FUBP1: variants seen among roughly 807,000 people sequenced by gnomAD.
The protein encoded by FUBP1 is far upstream element binding protein 1.
Under a neutral mutation model 94.9 loss-of-function variants are expected in FUBP1, and 16 were observed. The ratio of observed to expected loss-of-function variants is 0.17; its 90% CI spans 0.11 to 0.26. The LOEUF (loss-of-function observed/expected upper bound fraction) is 0.26, where lower values mean the gene tolerates loss of function less well. Ranked by LOEUF, FUBP1 falls within the 10% of genes least tolerant of loss-of-function variation. The probability of loss-of-function intolerance (pLI) is 1.00; values close to 1 mark genes in which losing one functional copy is unlikely to be tolerated. For missense variants in FUBP1, 583 were observed against 808.6 expected (o/e 0.72, Z 3.38); for synonymous variants, 279 against 254.9 (o/e 1.09, Z -0.90).
At chr1:77,974,962 T>C (rs758189431) in intron 1 of FUBP1, among the ~76,000 whole-genome samples, 9 of 152,228 alleles carry the variant, frequency 5.9e-5, no homozygotes, top group African/African-American at 1.9e-4. Flanking sequence ...TTATATAAAA[T>C]GGTACAGTAT....
At chr1:77,970,491 T>C (rs1027236597) in intron 1 of FUBP1, among the ~76,000 whole-genome samples, 3 of 152,190 alleles carry the variant, frequency 2.0e-5, no homozygotes, top group Non-Finnish European at 4.4e-5. Context: ...CACTGAATAT[T>C]GAAAACCTGG....
At chr1:77,979,088 G>T, upstream of FUBP1, 2 of 1,205,202 alleles carry the variant, frequency 1.7e-6, no homozygotes, top group Non-Finnish European at 2.3e-6. Flanking sequence ...GGCGGCCGTC[G>T]AAGCTCTATT....
chr1:77,949,315 AACTTTG>A lies in FUBP1; in HGVS notation c.1781-21_1781-16del. The A allele has an allele frequency of 6.2e-7, 1 of 1,609,636 alleles. No homozygotes were observed. Among genetic ancestry groups the A allele is most frequent in the African/African-American group, 1.3e-5 (1 of 74,806 alleles). On this transcript the variant is annotated splice_polypyrimidine_tract_variant and intron_variant, in intron 18 of 19. Transcript: ENST00000370768. Reference sequence around the variant, plus strand: ...AACTGCCTGACCTTTGAAAAAAAAGAACTTTGTTGCTGTAACCACAATTATAAGCCC... The same window carrying A: ...AACTGCCTGACCTTTGAAAAAAAAGATTGCTGTAACCACAATTATAAGCCC...
At chr1:77,965,663 A>G (rs1471099664) in intron 7 of FUBP1, among the ~76,000 whole-genome samples, 1 of 152,260 alleles carries the variant, frequency 6.6e-6, no homozygotes, top group African/African-American at 2.4e-5. Context: ...AATAGCACTC[A>G]AAGAAACAGG....
intron 18 of FUBP1, among the ~76,000 whole-genome samples, chr1:77,952,404 CA>C (rs1163749403): frequency 6.8e-6 from 1 of 146,848 alleles, no homozygotes; most frequent in Non-Finnish European, 1.5e-5. Flanking sequence ...CAAATAATGA[CA>C]AATTAAAATC....
intron 16 of FUBP1, among the ~76,000 whole-genome samples, chr1:77,958,280 C>T: frequency 6.6e-6 from 1 of 152,084 alleles, no homozygotes; most frequent in East Asian, 1.9e-4. Context: ...TTCACTCAAC[C>T]CGATTCATTC....
chr1:77,978,453 G>C (rs148830703), intron 1 of FUBP1, among the ~76,000 whole-genome samples: 1 of 152,252 alleles, frequency 6.6e-6, no homozygotes, highest in Non-Finnish European at 1.5e-5. Flanking sequence ...ACGGAAATGA[G>C]CTGTAAAGGC....
In FUBP1 at chr1:77,970,018, A is replaced by T; in HGVS notation, c.121-3T>A. ...TCACCTCCAATTTTTGCTGCAATCT[A>T]AAAAAAAAAAAGAAAAATACCATCA... On this transcript the variant is annotated splice_polypyrimidine_tract_variant and splice_region_variant and intron_variant, in intron 1 of 19. Coordinates refer to ENST00000370768, the MANE Select transcript of FUBP1 (RefSeq NM_003902.5). 2 of 390,242 alleles carry T rather than the reference A, an allele frequency of 5.1e-6. No homozygotes were observed. Among genetic ancestry groups the T allele is most frequent in the Non-Finnish European group, 7.4e-6 (2 of 268,604 alleles). The allele number at this position is 390,242 out of a possible 1,614,324, so 24.2% of individuals were successfully genotyped here. A position where few individuals can be genotyped will look rare whatever the true frequency, so the allele number is the denominator to read the frequency against.
At chr1:77,970,231 T>A (rs968622439) in intron 1 of FUBP1, among the ~76,000 whole-genome samples, 3 of 152,114 alleles carry the variant, frequency 2.0e-5, no homozygotes, top group East Asian at 1.9e-4. Flanking sequence ...TTCTGATACA[T>A]CCCTATAAGA....
chr1:77,972,081 T>C (rs1186068400), intron 1 of FUBP1, among the ~76,000 whole-genome samples: 1 of 152,044 alleles, frequency 6.6e-6, no homozygotes, highest in African/African-American at 2.4e-5. Context: ...ACTTTACCAA[T>C]TACAAACCTG....
chr1:77,947,522 C>G lies in FUBP1; in HGVS notation c.*1244G>C, dbSNP rs965190189. 1 of 1,351,458 alleles carries G rather than the reference C, an allele frequency of 7.4e-7. No homozygotes were observed. The highest frequency in any genetic ancestry group is 1.5e-5 in the African/African-American group (1 of 68,836). 83.7% of individuals were successfully genotyped at this position (1,351,458 alleles called of 1,614,324 possible). On this transcript the variant is annotated 3_prime_UTR_variant, in exon 20 of 20. Coordinates refer to ENST00000370768, the MANE Select transcript of FUBP1 (RefSeq NM_003902.5). Reference sequence around the variant, plus strand: ...CACAGTCCTCCTCACCCCTACAGAGCTAGTTCTATACTGGCTGGATCAAAC... The same window carrying G: ...CACAGTCCTCCTCACCCCTACAGAGGTAGTTCTATACTGGCTGGATCAAAC...
At chr1:77,973,085 C>T (rs946011751) in intron 1 of FUBP1, among the ~76,000 whole-genome samples, 7 of 150,140 alleles carry the variant, frequency 4.7e-5, no homozygotes, top group African/African-American at 1.7e-4. Context: ...ATAGAAAATA[C>T]ACAATTCCTA....
chr1:77,979,142 A>G, upstream of FUBP1: 4 of 860,450 alleles, frequency 4.6e-6, no homozygotes, highest in Non-Finnish European at 5.2e-6. Context: ...CGGAGACTGA[A>G]GGAACAAAAT....
intron 17 of FUBP1, among the ~76,000 whole-genome samples, chr1:77,956,036 C>CTGG (rs1654395410): frequency 1.3e-5 from 2 of 152,088 alleles, no homozygotes; most frequent in Non-Finnish European, 2.9e-5. Flanking sequence ...CTGGCCAAAT[C>CTGG]CAGGATAATC....
intron 7 of FUBP1, among the ~76,000 whole-genome samples, chr1:77,966,149 C>T (rs2102412075): frequency 6.6e-6 from 1 of 152,338 alleles, no homozygotes; most frequent in Non-Finnish European, 1.5e-5. Context: ...AAGCAATTAC[C>T]TGAGTACTAT....
In FUBP1 at chr1:77,971,210, G is replaced by A. The variant is rs779578205; in HGVS notation, c.121-1195C>T. 1.5e-4 allele frequency among the ~76,000 whole-genome samples: 23 copies of A among 152,228 alleles called. No individual in the cohort carries two copies. In the East Asian group the frequency reaches 4.2e-3, roughly 28 times the overall value. ...CACATTGCTGAGTGGTCAGCAATAGGCCAAGCTCCACACTGCAATGCTGTA... is the reference window on the plus strand; with the variant it reads ...CACATTGCTGAGTGGTCAGCAATAGACCAAGCTCCACACTGCAATGCTGTA... On this transcript the variant is annotated intron_variant, in intron 1 of 19. Coordinates refer to ENST00000370768, the MANE Select transcript of FUBP1 (RefSeq NM_003902.5).
chr1:77,945,820 C>A lies in FUBP1; in HGVS notation c.*2946G>T, dbSNP rs1282221617. 3.3e-5 allele frequency: 7 copies of A among 212,920 alleles called. No homozygotes were observed. Among genetic ancestry groups the A allele is most frequent in the Non-Finnish European group, 6.6e-5 (7 of 105,292 alleles). The allele number at this position is 212,920 out of a possible 1,614,324, so 13.2% of individuals were successfully genotyped here. A position where few individuals can be genotyped will look rare whatever the true frequency, so the allele number is the denominator to read the frequency against. ...CCAGTTAAAATCATCTATAAAAACA[C>A]ACAAACATTTTAAACTGGCAAAAAA... On this transcript the variant is annotated 3_prime_UTR_variant, in exon 20 of 20. Transcript: ENST00000370768.
chr1:77,955,565 T>TA, intron 17 of FUBP1: 1 of 413,136 alleles, frequency 2.4e-6, no homozygotes, highest in Non-Finnish European at 4.3e-6. Flanking sequence ...GTTGAACATA[T>TA]AAGTAAATGC....
chr1:77,954,523 C>A (rs997934316), intron 18 of FUBP1, among the ~76,000 whole-genome samples: 2 of 152,166 alleles, frequency 1.3e-5, no homozygotes, highest in African/African-American at 4.8e-5. Context: ...AAAATCATCA[C>A]CTTTCTGGAA....
Sources: allele counts gnomAD v4.1 joint callset (sites outside exome capture counted in the v4.1 genomes callset), GRCh38; gene constraint gnomAD v4.1.1; transcripts MANE v1.5; gene names NCBI Gene and HGNC (gene_info 2026-07-23, HGNC 2026-07-21).